PDGFC: variants seen among roughly 807,000 people sequenced by gnomAD.
PDGFC encodes platelet-derived growth factor C.
A neutral mutation model predicts 35.5 loss-of-function variants in PDGFC; 12 were observed. That is an observed-to-expected ratio of 0.34 (90% CI 0.22 to 0.55). The LOEUF is 0.55. PDGFC is among the 20% of genes least tolerant of loss of function. PDGFC has a pLI of 0.91. For missense variants in PDGFC, 322 were observed against 412.4 expected, an observed-to-expected ratio of 0.78 and a Z score of 1.90; for synonymous variants, 159 against 148.8, an observed-to-expected ratio of 1.07 and a Z score of -0.50.
At chr4:156,945,367 AT>A (rs1731919670) in intron 1 of PDGFC, among the ~76,000 whole-genome samples, 1 of 122,690 alleles carries the variant, frequency 8.2e-6, no homozygotes, top group East Asian at 2.6e-4. Context: ...ATATATATAT[AT>A]ATATATATAT....
At chr4:156,823,124 C>T (rs1462723913) in intron 2 of PDGFC, among the ~76,000 whole-genome samples, 2 of 152,082 alleles carry the variant, frequency 1.3e-5, no homozygotes, top group African/African-American at 4.8e-5. Flanking sequence ...CACTACTGGC[C>T]AGGGACAGGG....
intron 1 of PDGFC, among the ~76,000 whole-genome samples, chr4:156,949,160 C>T (rs1289455835): frequency 1.3e-5 from 2 of 151,916 alleles, no homozygotes; most frequent in Non-Finnish European, 1.5e-5. Flanking sequence ...CACCAACGGT[C>T]TCCTACTATT....
chr4:156,960,616 C>T (rs1034446412), intron 1 of PDGFC, among the ~76,000 whole-genome samples: 1 of 151,816 alleles, frequency 6.6e-6, no homozygotes, highest in Non-Finnish European at 1.5e-5. Flanking sequence ...TCCCCTGATG[C>T]CTTTTATTAT....
In PDGFC at chr4:156,779,253, T is replaced by G. The variant is rs937758377; in HGVS notation, c.496-6360A>C. The G allele has an allele frequency of 4.1e-5, 18 of 444,338 alleles. No homozygotes were observed. In the Admixed American group the frequency reaches 4.5e-4, roughly 11 times the overall value. 27.5% of individuals were successfully genotyped at this position (444,338 alleles called of 1,614,324 possible). A position where few individuals can be genotyped will look rare whatever the true frequency, so the allele number is the denominator to read the frequency against. The stretch of plus-strand genomic sequence containing the variant: ...ATCCGAATTCATTCAAAAAGTTATC[T>G]GGGTCATGTTTTTAAATTATTTTTA... On this transcript the variant is annotated intron_variant, in intron 3 of 5. Transcript: ENST00000502773.
At chr4:156,769,401 G>A (rs755121497) in intron 4 of PDGFC, among the ~76,000 whole-genome samples, 3 of 151,750 alleles carry the variant, frequency 2.0e-5, no homozygotes, top group Admixed American at 1.3e-4. Context: ...GATAATTTAA[G>A]TATTTTAAGA....
intron 1 of PDGFC, among the ~76,000 whole-genome samples, chr4:156,870,129 T>A (rs915537587): frequency 2.0e-5 from 3 of 152,118 alleles, no homozygotes; most frequent in Non-Finnish European, 2.9e-5. Context: ...ACTAAGATCA[T>A]GGTTAGTAGC....
At chr4:156,930,195 AG>A (rs1373690805) in intron 1 of PDGFC, among the ~76,000 whole-genome samples, 1 of 152,230 alleles carries the variant, frequency 6.6e-6, no homozygotes, top group Admixed American at 6.5e-5. Context: ...TTTGTTCAAA[AG>A]TAGATTTAAT....
At chr4:156,816,695 G>C (rs1227502207) in intron 2 of PDGFC, among the ~76,000 whole-genome samples, 3 of 152,112 alleles carry the variant, frequency 2.0e-5, no homozygotes, top group Non-Finnish European at 4.4e-5. Flanking sequence ...TCATTCTCAC[G>C]AGTCAAACCT....
intron 1 of PDGFC, among the ~76,000 whole-genome samples, chr4:156,900,656 C>T (rs1233307008): frequency 6.6e-6 from 1 of 152,040 alleles, no homozygotes; most frequent in Non-Finnish European, 1.5e-5. Flanking sequence ...GCAAGGGCAA[C>T]ATGGCAAAAC....
chr4:156,891,019 T>C (rs1456389921), intron 1 of PDGFC, among the ~76,000 whole-genome samples: 1 of 151,878 alleles, frequency 6.6e-6, no homozygotes, highest in African/African-American at 2.4e-5. Flanking sequence ...ATCATACAGG[T>C]CATAAAACCT....
intron 1 of PDGFC, among the ~76,000 whole-genome samples, chr4:156,877,697 CTA>C (rs1240231087): frequency 2.6e-5 from 4 of 152,062 alleles, no homozygotes; most frequent in African/African-American, 9.7e-5. Flanking sequence ...TTAATAAAAT[CTA>C]AATGTGCAGA....
At chr4:156,899,301 A>C (rs2110755914) in intron 1 of PDGFC, among the ~76,000 whole-genome samples, 1 of 152,332 alleles carries the variant, frequency 6.6e-6, no homozygotes, top group South Asian at 2.1e-4. Flanking sequence ...TGTGTAGGTT[A>C]TATTAAAATA....
chr4:156,867,123 TTTCATTTTAAAATCAGTAATTAAATATG>T (rs1729864147), intron 1 of PDGFC, among the ~76,000 whole-genome samples: 1 of 152,266 alleles, frequency 6.6e-6, no homozygotes, highest in Non-Finnish European at 1.5e-5. Flanking sequence ...TTTTTTAATA[TTTCATTTTAAAATCAGTAATTAAATATG>T]TTAGCATGAA....
chr4:156,846,303 A>G (rs1159398764), intron 2 of PDGFC, among the ~76,000 whole-genome samples: 3 of 151,896 alleles, frequency 2.0e-5, no homozygotes, highest in Non-Finnish European at 3.0e-5. Context: ...AGAAAGTGAC[A>G]TTATAAGCAA....
At chr4:156,930,311 A>G (rs568813079) in intron 1 of PDGFC, among the ~76,000 whole-genome samples, 1 of 152,352 alleles carries the variant, frequency 6.6e-6, no homozygotes, top group East Asian at 1.9e-4. Context: ...AAAATCAGGC[A>G]AACATCATCA....
chr4:156,850,273 G>T lies in PDGFC; in HGVS notation c.262C>A (p.Leu88Ile). 6.2e-7 allele frequency: 1 copy of T among 1,608,566 alleles called. No homozygotes were observed. The change falls in exon 2 of 6, where the codon CTT becomes ATT. Residue 88 changes from leucine (L) to isoleucine (I), a missense_variant. By Grantham distance (5) the Leu-to-Ile change is conservative. This residue lies in a region of PDGFC where 120 missense variants were observed against 116.6 expected (regional missense o/e 1.03). Coordinates refer to ENST00000502773, the MANE Select transcript of PDGFC (RefSeq NM_016205.3). ...VAVEENVWIQ[L>I]TFDERFGLED... ...AGCCCAAATCTTTCATCAAACGTAA[G>T]TTGTATCCATACATTTTCCTCTACT...
At chr4:156,922,975 ACCCTTTACT>A (rs1363423184) in intron 1 of PDGFC, among the ~76,000 whole-genome samples, 1 of 152,022 alleles carries the variant, frequency 6.6e-6, no homozygotes, top group East Asian at 1.9e-4. Context: ...TTCCAAATTG[ACCCTTTACT>A]CCAGATTTTT....
At chr4:156,960,971 C>T (rs962766597) in intron 1 of PDGFC, among the ~76,000 whole-genome samples, 1 of 152,030 alleles carries the variant, frequency 6.6e-6, no homozygotes, top group Non-Finnish European at 1.5e-5. Flanking sequence ...AAATTAGAAA[C>T]GAACACTGCA....
intron 2 of PDGFC, among the ~76,000 whole-genome samples, chr4:156,817,351 T>A (rs1461205216): frequency 6.6e-6 from 1 of 152,012 alleles, no homozygotes; most frequent in South Asian, 2.1e-4. Flanking sequence ...AATCGAGAAT[T>A]TACAAAATTA....
Sources: allele counts gnomAD v4.1 joint callset (sites outside exome capture counted in the v4.1 genomes callset), GRCh38; gene constraint gnomAD v4.1.1; regional missense constraint gnomAD v4.1.1; transcripts MANE v1.5; gene names NCBI Gene and HGNC (gene_info 2026-07-23, HGNC 2026-07-21).